The following ARRDC1 variants were observed in gnomAD, a reference collection of about 807,000 sequenced individuals.
ARRDC1 encodes arrestin domain-containing protein 1.
ARRDC1 carries 37 observed loss-of-function variants against 40.1 expected under a neutral mutation model. That is an observed-to-expected ratio of 0.92 (90% CI 0.71 to 1.21). The LOEUF (loss-of-function observed/expected upper bound fraction) is 1.21, where lower values mean the gene tolerates loss of function less well. Ranked by LOEUF, ARRDC1 falls within the 50% of genes most tolerant of loss-of-function variation. The pLI, the probability that ARRDC1 is intolerant of heterozygous loss-of-function variation, is 0.00. For missense variants in ARRDC1, 641 were observed against 581.9 expected (o/e 1.10, Z -1.04); for synonymous variants, 310 against 262.5 (o/e 1.18, Z -1.75).
intron 2 of ARRDC1, chr9:137,613,222 C>T: frequency 1.4e-6 from 1 of 736,260 alleles, no homozygotes; most frequent in East Asian, 2.7e-5. Context: ...GGGCTCTGAC[C>T]CCTGGCACAG....
intron 1 of ARRDC1, 110 bp downstream of exon 1, chr9:137,605,945 T>C: frequency 1.7e-6 from 1 of 605,174 alleles, no homozygotes; most frequent in Non-Finnish European, 2.3e-6. Flanking sequence ...AGTCGCTGTC[T>C]TCGCCGCCCG....
intron 1 of ARRDC1, among the ~76,000 whole-genome samples, chr9:137,608,303 A>G (rs1842458714): frequency 6.6e-6 from 1 of 152,194 alleles, no homozygotes; most frequent in South Asian, 2.1e-4. Flanking sequence ...TTAAACCTGC[A>G]TGGGGGAGGA....
chr9:137,613,770 G>A lies in ARRDC1; in HGVS notation c.435+1G>A, dbSNP rs113204937. 1.9e-6 allele frequency: 3 copies of A among 1,613,982 alleles called. No homozygotes were observed. Among genetic ancestry groups the A allele is most frequent in the East Asian group, 2.2e-5 (1 of 44,900 alleles). On this transcript the variant is annotated splice_donor_variant, in intron 4 of 7. Transcript: ENST00000371421. LOFTEE classifies it high-confidence loss of function. ...CCTGAACAGCATCCCAGACATTGAG[G>A]TGAGGATGGCACAGTGACCTCCTTG...
At position 137,613,085 on chromosome 9, in the gene ARRDC1, C is replaced by G. The variant is rs759772722; in HGVS notation, c.229+79C>G. 12 of 1,100,446 alleles carry G rather than the reference C, an allele frequency of 1.1e-5. No homozygotes were observed. In the South Asian group the frequency reaches 1.3e-4, roughly 12 times the overall value. The allele number at this position is 1,100,446 out of a possible 1,614,324, so 68.2% of individuals were successfully genotyped here. A position where few individuals can be genotyped will look rare whatever the true frequency, so the allele number is the denominator to read the frequency against. ...TGGGGCCTGTCTGTCCTGTCCTCCC[C>G]CTTTCCTAGATCTGCCTCTTGGATC... is the stretch of plus-strand genomic sequence containing the variant. On this transcript the variant is annotated intron_variant, in intron 2 of 7. Coordinates refer to ENST00000371421, the MANE Select transcript of ARRDC1 (RefSeq NM_152285.4).
Position 137,615,177 on chromosome 9 carries a change from C to A in ARRDC1, c.*39C>A. The A allele has an allele frequency of 6.7e-7, 1 of 1,494,778 alleles. No individual in the cohort carries two copies. Among genetic ancestry groups the A allele is most frequent in the East Asian group, 2.3e-5 (1 of 42,654 alleles). 92.6% of individuals were successfully genotyped at this position (1,494,778 alleles called of 1,614,324 possible). A position where few individuals can be genotyped will look rare whatever the true frequency, so the allele number is the denominator to read the frequency against. On this transcript the variant is annotated 3_prime_UTR_variant, in exon 8 of 8. Coordinates refer to ENST00000371421, the MANE Select transcript of ARRDC1 (RefSeq NM_152285.4). ...TCTCCAGGCAGGCCTGGCCTCTGCCCTGGGACTGGGGCGCCCAGGGCCTCG... is the reference window on the plus strand; with the variant it reads ...TCTCCAGGCAGGCCTGGCCTCTGCCATGGGACTGGGGCGCCCAGGGCCTCG...
At chr9:137,614,007 G>A in intron 4 of ARRDC1, 25 bp from the exon 5 acceptor site, 1 of 1,611,906 alleles carries the variant, frequency 6.2e-7, no homozygotes, top group Non-Finnish European at 8.5e-7. Context: ...CACCTGCTAA[G>A]CCCCTCCCTG....
At position 137,614,491 on chromosome 9, in the gene ARRDC1, G is replaced by C; in HGVS notation, c.795+16G>C. 1.2e-6 allele frequency: 2 copies of C among 1,613,186 alleles called. No homozygotes were observed. The highest frequency in any genetic ancestry group is 1.1e-5 in the South Asian group (1 of 91,086). On this transcript the variant is annotated intron_variant, in intron 6 of 7. Transcript: ENST00000371421. Reference sequence around the variant, plus strand: ...CTACTTACAGGTTTGGTGCTGCTGGGGGCTGGGTGGTCTGAGGCCTAGTGG... The same window carrying C: ...CTACTTACAGGTTTGGTGCTGCTGGCGGCTGGGTGGTCTGAGGCCTAGTGG...
In ARRDC1 at chr9:137,612,903, G is replaced by C. The variant is rs746650296; in HGVS notation, c.126G>C (p.Arg42=). The change falls in exon 2 of 8, where the codon CGG becomes CGC. Residue 42 remains arginine, a synonymous_variant. Coordinates refer to ENST00000371421, the MANE Select transcript of ARRDC1 (RefSeq NM_152285.4). ...CAGCCATCCCCTTTGCAGCCATCCG[G>C]GTGACCTGCATAGGTTCCTGCGGGG... The part of the protein sequence containing the change: ...LGAPLPFRAI[R]VTCIGSCGVS... 1 of 1,613,744 alleles carries C rather than the reference G, an allele frequency of 6.2e-7. No individual in the cohort carries two copies. The highest frequency in any genetic ancestry group is 1.1e-5 in the South Asian group (1 of 91,032).
In ARRDC1 at chr9:137,613,529, C is replaced by G. The variant is rs753380467; in HGVS notation, c.280+19C>G. On this transcript the variant is annotated intron_variant, in intron 3 of 7. Coordinates refer to ENST00000371421, the MANE Select transcript of ARRDC1 (RefSeq NM_152285.4). Reference sequence around the variant, plus strand: ...CTTCCTGGTGAGAGCCCAGCCTGGACAGGCCTGGTGATGACCAACTGGTCC... The same window carrying G: ...CTTCCTGGTGAGAGCCCAGCCTGGAGAGGCCTGGTGATGACCAACTGGTCC... The G allele has an allele frequency of 1.4e-5, 23 of 1,613,788 alleles. No homozygotes were observed. The highest frequency in any genetic ancestry group is 1.9e-5 in the Non-Finnish European group (23 of 1,179,968).
chr9:137,609,416 T>C (rs1272731007), intron 1 of ARRDC1, among the ~76,000 whole-genome samples: 1 of 151,498 alleles, frequency 6.6e-6, no homozygotes, highest in African/African-American at 2.4e-5. Flanking sequence ...GTATTTTTAG[T>C]AGAGACGGGG....
In ARRDC1 at chr9:137,613,674, G is replaced by A. The variant is rs1842587829; in HGVS notation, c.340G>A (p.Ala114Thr). The A allele has an allele frequency of 1.2e-6, 2 of 1,614,174 alleles. No individual in the cohort carries two copies. The highest frequency in any genetic ancestry group is 4.5e-5 in the East Asian group (2 of 44,888). The change falls in exon 4 of 8, where the codon GCC (alanine) becomes ACC (threonine). Residue 114 changes from alanine to threonine, a missense_variant. Transcript: ENST00000371421. Reference sequence around the variant, plus strand: ...GAAGATCGTGCACCAGGTGAGGGCCGCCATCCACACGCCACGGTTTTCCAA... The same window carrying A: ...GAAGATCGTGCACCAGGTGAGGGCCACCATCCACACGCCACGGTTTTCCAA... ...FGKIVHQVRA[A>T]IHTPRFSKDH...
intron 1 of ARRDC1, among the ~76,000 whole-genome samples, chr9:137,607,158 G>A (rs576179655): frequency 6.6e-6 from 1 of 152,380 alleles, no homozygotes; most frequent in South Asian, 2.1e-4. Flanking sequence ...AGTAGGAGAT[G>A]GGCCCTGATG....
At chr9:137,611,243 A>G (rs772432294) in intron 1 of ARRDC1, among the ~76,000 whole-genome samples, 4 of 152,152 alleles carry the variant, frequency 2.6e-5, no homozygotes, top group Non-Finnish European at 5.9e-5. Context: ...TGGCTAACAG[A>G]GCATGGATTC....
chr9:137,613,989 C>T (rs1842597887), intron 4 of ARRDC1, 43 bp from the exon 5 acceptor site: 2 of 1,606,676 alleles, frequency 1.2e-6, no homozygotes, highest in Non-Finnish European at 1.7e-6. Flanking sequence ...AGGGATCCAG[C>T]CTGCGCACAC....
At chr9:137,606,151 G>A (rs1842419819) in intron 1 of ARRDC1, among the ~76,000 whole-genome samples, 1 of 151,852 alleles carries the variant, frequency 6.6e-6, no homozygotes, top group Admixed American at 6.6e-5. Flanking sequence ...CACCTGCTGG[G>A]CTCCTTCCCG....
At chr9:137,606,092 C>T (rs970782279) in intron 1 of ARRDC1, among the ~76,000 whole-genome samples, 9 of 151,848 alleles carry the variant, frequency 5.9e-5, no homozygotes, top group Non-Finnish European at 8.8e-5. Flanking sequence ...GTGGAGGACG[C>T]CCTGAGCGCG....
rs769506858 is a variant in ARRDC1, at chr9:137,614,558, G to T, written c.796-1G>T. The T allele has an allele frequency of 3.1e-6, 5 of 1,613,060 alleles. No homozygotes were observed. Among genetic ancestry groups the T allele is most frequent in the South Asian group, 2.2e-5 (2 of 91,080 alleles). On this transcript the variant is annotated splice_acceptor_variant, in intron 6 of 7. Transcript: ENST00000371421. LOFTEE classifies it high-confidence loss of function. ...TCATGCCCCACCTCAATCCTGTCCAGGTCTCTCTGAAGGCGCCGGAAGCTA... is the reference window on the plus strand; with the variant it reads ...TCATGCCCCACCTCAATCCTGTCCATGTCTCTCTGAAGGCGCCGGAAGCTA...
At chr9:137,615,049 C>T (rs372424462) in intron 7 of ARRDC1, 25 bp from the exon 8 acceptor site, 39 of 1,609,978 alleles carry the variant, frequency 2.4e-5, no homozygotes, top group Admixed American at 6.7e-5. Context: ...AAGAGCCCCA[C>T]GCAGACCCTG....
At position 137,613,007 on chromosome 9, in the gene ARRDC1, G is replaced by GT; in HGVS notation, c.229+2dup. 1.9e-6 allele frequency: 3 copies of GT among 1,612,022 alleles called. No individual in the cohort carries two copies. Among genetic ancestry groups the GT allele is most frequent in the Non-Finnish European group, 1.7e-6 (2 of 1,178,422 alleles). On this transcript the variant is annotated splice_donor_variant, in intron 2 of 7. Transcript: ENST00000371421. LOFTEE classifies it high-confidence loss of function. ...AGTTCCCTGTCGCTGGCAGACAAGG[G>GT]TAAGTTTGGGAGCCAGTTCCCGAGT...
Sources: gnomAD v4.1 joint callset for allele counts (sites outside exome capture counted in the v4.1 genomes callset) on GRCh38, gnomAD v4.1.1 for gene constraint, MANE v1.5 for transcripts, NCBI Gene and HGNC (gene_info 2026-07-23, HGNC 2026-07-21) for gene names.